Variants in DUSP19 observed in about 807,000 individuals in gnomAD.
DUSP19 encodes dual specificity phosphatase 19.
In DUSP19, 14 loss-of-function variants were observed where a neutral mutation model predicts 16.6. The ratio of observed to expected loss-of-function variants is 0.84; its 90% CI spans 0.56 to 1.32. DUSP19 has a LOEUF of 1.32. Among genes scored for constraint, DUSP19 ranks in the 40% most tolerant of loss-of-function variants. The probability of loss-of-function intolerance (pLI) is 0.00; values close to 1 mark genes in which losing one functional copy is unlikely to be tolerated. For missense variants in DUSP19, 258 were observed against 255.9 expected, an observed-to-expected ratio of 1.01 and a Z score of -0.06; for synonymous variants, 81 against 90.5, an observed-to-expected ratio of 0.90 and a Z score of 0.59.
At chr2:183,081,310 A>G (rs1407928184) in intron 1 of DUSP19, among the ~76,000 whole-genome samples, 1 of 152,164 alleles carries the variant, frequency 6.6e-6, no homozygotes, top group African/African-American at 2.4e-5. Flanking sequence ...CAGTGGCACG[A>G]TCTTGGCTCA....
At position 183,083,526 on chromosome 2, in the gene DUSP19, A is replaced by G. The variant is rs1179915790; in HGVS notation, c.245A>G (p.His82Arg). 1 of 1,612,080 alleles carries G rather than the reference A, an allele frequency of 6.2e-7. No individual in the cohort carries two copies. Among genetic ancestry groups the G allele is most frequent in the South Asian group, 1.1e-5 (1 of 90,566 alleles). Reference protein sequence around the residue: ...WLLLGSQDAAHDLDTLKKNKV... With the variant: ...WLLLGSQDAARDLDTLKKNKV... ...CTTCTAGGGTCACAAGATGCTGCTC[A>G]TGATTTGGATACACTGAAAAAGAAT... The change falls in exon 2 of 4, where the codon CAT becomes CGT. Residue 82 changes from histidine (H) to arginine (R), a missense_variant. His to Arg is a conservative substitution (Grantham distance 29). Transcript: ENST00000354221.
At position 183,078,971 on chromosome 2, in the gene DUSP19, G is replaced by A. The variant is rs146266673; in HGVS notation, c.38G>A (p.Arg13Gln). Residue 13 changes from arginine (R) to glutamine (Q), a missense_variant, in exon 1 of 4, where the codon CGG (arginine) becomes CAG (glutamine). Coordinates refer to ENST00000354221, the MANE Select transcript of DUSP19 (RefSeq NM_080876.4). ...AACCAGGAAATTAAAGCATTCTCCC[G>A]GAATAATCTCAGGAAGCAATGCACC... ...SLNQEIKAFS[R>Q]NNLRKQCTRV... The A allele has an allele frequency of 6.8e-6, 11 of 1,613,942 alleles. No homozygotes were observed. The African/African-American group carries it at 1.5e-4, about 22-fold the overall frequency.
chr2:183,080,455 G>T lies in DUSP19; in HGVS notation c.226+1296G>T, dbSNP rs558104410. Among the ~76,000 whole-genome samples the T allele has an allele frequency of 6.9e-4, 105 of 152,174 alleles. 1 individual carries two copies. Among genetic ancestry groups the T allele is most frequent in the East Asian group, 7.7e-4 (4 of 5,188 alleles). ...CCGTGAAAAACTGTACCATATTCTT[G>T]TCACATTTACAGTGAAAAAGTGAGT... On this transcript the variant is annotated intron_variant, in intron 1 of 3. Coordinates refer to ENST00000354221, the MANE Select transcript of DUSP19 (RefSeq NM_080876.4).
At position 183,097,434 on chromosome 2, in the gene DUSP19, C is replaced by T. The variant is rs898582280; in HGVS notation, c.*1776C>T. 6 of 152,140 alleles carry T rather than the reference C, an allele frequency of 3.9e-5. No individual in the cohort carries two copies. Among genetic ancestry groups the T allele is most frequent in the African/African-American group, 1.4e-4 (6 of 41,406 alleles). The allele number at this position is 152,140 out of a possible 1,614,324, so 9.4% of individuals were successfully genotyped here. A position where few individuals can be genotyped will look rare whatever the true frequency, so the allele number is the denominator to read the frequency against. On this transcript the variant is annotated 3_prime_UTR_variant, in exon 4 of 4. Transcript: ENST00000354221. ...TTAAATATACATTATAAAGAGCAAG[C>T]ATAGATGGAAAGTGCATATTGAACA...
At chr2:183,092,445 A>G (rs1197464818) in intron 3 of DUSP19, among the ~76,000 whole-genome samples, 1 of 151,962 alleles carries the variant, frequency 6.6e-6, no homozygotes, top group African/African-American at 2.4e-5. Flanking sequence ...CCATGTGTCT[A>G]TGTGTTCACG....
Position 183,099,922 on chromosome 2 carries a change from G to A in DUSP19, c.*4264G>A, listed in dbSNP as rs533073899. ...TGAGGTAGGAGAATTGCTTGACCCTGGGAGGTGGAGGTGGCAGTGAGCCGA... is the reference window on the plus strand; with the variant it reads ...TGAGGTAGGAGAATTGCTTGACCCTAGGAGGTGGAGGTGGCAGTGAGCCGA... On this transcript the variant is annotated 3_prime_UTR_variant, in exon 4 of 4. Coordinates refer to ENST00000354221, the MANE Select transcript of DUSP19 (RefSeq NM_080876.4). 2.0e-5 allele frequency: 3 copies of A among 151,848 alleles called. No individual in the cohort carries two copies. The highest frequency in any genetic ancestry group is 4.4e-5 in the Non-Finnish European group (3 of 67,972). 9.4% of individuals were successfully genotyped at this position (151,848 alleles called of 1,614,324 possible). A position where few individuals can be genotyped will look rare whatever the true frequency, so the allele number is the denominator to read the frequency against.
At position 183,098,092 on chromosome 2, in the gene DUSP19, A is replaced by G. The variant is rs1185513017; in HGVS notation, c.*2434A>G. The G allele has an allele frequency of 1.3e-5, 2 of 152,100 alleles. No individual in the cohort carries two copies. The highest frequency in any genetic ancestry group is 4.8e-5 in the African/African-American group (2 of 41,398). 9.4% of individuals were successfully genotyped at this position (152,100 alleles called of 1,614,324 possible). A position where few individuals can be genotyped will look rare whatever the true frequency, so the allele number is the denominator to read the frequency against. On this transcript the variant is annotated 3_prime_UTR_variant, in exon 4 of 4. Transcript: ENST00000354221. ...TTTTTTTTGGTAGAGACAGGGTTCAACCATGTTGGTCAGGCTGGTCTCGAA... is the reference window on the plus strand; with the variant it reads ...TTTTTTTTGGTAGAGACAGGGTTCAGCCATGTTGGTCAGGCTGGTCTCGAA...
At chr2:183,083,641 T>C in intron 2 of DUSP19, 87 bp downstream of exon 2, 1 of 1,166,846 alleles carries the variant, frequency 8.6e-7, no homozygotes, top group Non-Finnish European at 1.2e-6. Flanking sequence ...CCATCTTTGG[T>C]ATATTATGGA....
At chr2:183,082,348 TTGTTGTTATAAAAATGGA>T (rs1480879801) in intron 1 of DUSP19, among the ~76,000 whole-genome samples, 1 of 152,188 alleles carries the variant, frequency 6.6e-6, no homozygotes, top group Non-Finnish European at 1.5e-5. Context: ...TACATATTTT[TTGTTGTTATAAAAATGGA>T]TGATGGTATT....
intron 3 of DUSP19, among the ~76,000 whole-genome samples, chr2:183,092,401 A>C (rs1027435496): frequency 1.3e-5 from 2 of 151,600 alleles, no homozygotes; most frequent in African/African-American, 4.9e-5. Context: ...ACCCCACCTA[A>C]CCCCGACAGG....
chr2:183,079,479 G>A (rs149727409), intron 1 of DUSP19, among the ~76,000 whole-genome samples: 2 of 152,078 alleles, frequency 1.3e-5, no homozygotes, highest in Admixed American at 6.5e-5. Context: ...AAAAAATACA[G>A]CTTGAAAAAA....
intron 2 of DUSP19, among the ~76,000 whole-genome samples, chr2:183,085,281 A>C (rs1377752048): frequency 2.0e-5 from 3 of 152,318 alleles, no homozygotes; most frequent in Non-Finnish European, 2.9e-5. Context: ...AAATTGAGGA[A>C]TATCACCCTA....
intron 3 of DUSP19, among the ~76,000 whole-genome samples, chr2:183,092,948 C>T (rs184802043): frequency 1.3e-3 from 205 of 152,072 alleles, no homozygotes; most frequent in Non-Finnish European, 2.5e-3. Flanking sequence ...GTGATCCACC[C>T]GCCTCAGCCT....
At chr2:183,090,993 A>G (rs1699725101) in intron 3 of DUSP19, among the ~76,000 whole-genome samples, 1 of 152,092 alleles carries the variant, frequency 6.6e-6, no homozygotes, top group African/African-American at 2.4e-5. Context: ...TGATATTTGC[A>G]CTTCTTGGTC....
chr2:183,094,079 A>G (rs1049297602), intron 3 of DUSP19, among the ~76,000 whole-genome samples: 6 of 152,204 alleles, frequency 3.9e-5, no homozygotes, highest in Non-Finnish European at 7.4e-5. Context: ...ATAAATATCT[A>G]TAGAAAAGAG....
Position 183,078,861 on chromosome 2 carries a change from A to C in DUSP19, c.-73A>C. On this transcript the variant is annotated 5_prime_UTR_variant, in exon 1 of 4. Transcript: ENST00000354221. ...GGCTGGCTTTGTTACCTGGGCAATA[A>C]GGGACTAGCAGTTCAGCCGTTTTCT... 1 of 1,396,714 alleles carries C rather than the reference A, an allele frequency of 7.2e-7. No individual in the cohort carries two copies. The highest frequency in any genetic ancestry group is 9.9e-7 in the Non-Finnish European group (1 of 1,010,596). 86.5% of individuals were successfully genotyped at this position (1,396,714 alleles called of 1,614,324 possible).
In DUSP19 at chr2:183,099,160, C is replaced by G. The variant is rs1699842108; in HGVS notation, c.*3502C>G. On this transcript the variant is annotated 3_prime_UTR_variant, in exon 4 of 4. Transcript: ENST00000354221. ...TTGTTCAAATGTATATAGAAGGTCC[C>G]CTTCAAGTGTTGTTTCTCCAAGTAG... 6.6e-6 allele frequency: 1 copy of G among 151,912 alleles called. No homozygotes were observed. The highest frequency in any genetic ancestry group is 2.4e-5 in the African/African-American group (1 of 41,350). The allele number at this position is 151,912 out of a possible 1,614,324, so 9.4% of individuals were successfully genotyped here. A position where few individuals can be genotyped will look rare whatever the true frequency, so the allele number is the denominator to read the frequency against.
rs1194666660 is a variant in DUSP19 at position 183,097,229 on chromosome 2, A to G, written c.*1571A>G. 1 of 152,154 alleles carries G rather than the reference A, an allele frequency of 6.6e-6. No individual in the cohort carries two copies. The highest frequency in any genetic ancestry group is 1.9e-4 in the East Asian group (1 of 5,192). The allele number at this position is 152,154 out of a possible 1,614,324, so 9.4% of individuals were successfully genotyped here. On this transcript the variant is annotated 3_prime_UTR_variant, in exon 4 of 4. Coordinates refer to ENST00000354221, the MANE Select transcript of DUSP19 (RefSeq NM_080876.4). ...TTTTTGTAGAGACAGGAGTCTTGCC[A>G]TGTTGCCCAGGCTGATCTCAAACTC...
rs568359957 is a variant in DUSP19 at position 183,084,999 on chromosome 2, G to A, written c.273+1445G>A. Among the ~76,000 whole-genome samples the A allele has an allele frequency of 4.6e-5, 7 of 152,254 alleles. No homozygotes were observed. The South Asian group carries it at 8.3e-4, about 18-fold the overall frequency. ...TCTTTGGTAACTAAGTAAAGTTATC[G>A]TTCCATGAGATTGAAAGCAACGTAG... On this transcript the variant is annotated intron_variant, in intron 2 of 3. Transcript: ENST00000354221.
Sources: allele counts gnomAD v4.1 joint callset (sites outside exome capture counted in the v4.1 genomes callset), GRCh38; gene constraint gnomAD v4.1.1; transcripts MANE v1.5; gene names NCBI Gene and HGNC (gene_info 2026-07-23, HGNC 2026-07-21).